The following SYNE3 variants were observed in gnomAD, a reference collection of about 807,000 sequenced individuals.
The protein encoded by SYNE3 is spectrin repeat containing nuclear envelope family member 3.
In SYNE3, 100 loss-of-function variants were observed where a neutral mutation model predicts 111.2. The ratio of observed to expected loss-of-function variants is 0.90; its 90% CI spans 0.77 to 1.06. SYNE3 has a LOEUF of 1.06. SYNE3 is among the 50% of genes least tolerant of loss of function. SYNE3 has a pLI of 0.00. For synonymous variants in SYNE3, 547 were observed against 533.9 expected (o/e 1.02, Z -0.34); for missense variants, 1,160 against 1,240.3 (o/e 0.94, Z 0.97).
chr14:95,435,033 A>G (rs570433903), intron 15 of SYNE3, among the ~76,000 whole-genome samples: 1 of 152,356 alleles, frequency 6.6e-6, no homozygotes, highest in South Asian at 2.1e-4. Flanking sequence ...ATGAAGACAC[A>G]AGAAACCAAG....
intron 4 of SYNE3, among the ~76,000 whole-genome samples, chr14:95,465,096 G>A (rs1316969466): frequency 1.3e-5 from 2 of 152,120 alleles, no homozygotes; most frequent in African/African-American, 2.4e-5. Context: ...AGGAAATGCA[G>A]ACAGAGAATG....
At chr14:95,425,486 C>T (rs1236608151) in intron 17 of SYNE3, among the ~76,000 whole-genome samples, 1 of 152,112 alleles carries the variant, frequency 6.6e-6, no homozygotes, top group East Asian at 1.9e-4. Flanking sequence ...ATTTTCAGGG[C>T]AGTGAAATTC....
chr14:95,476,317 G>A (rs1888888086), intron 1 of SYNE3, among the ~76,000 whole-genome samples: 1 of 152,182 alleles, frequency 6.6e-6, no homozygotes, highest in East Asian at 1.9e-4. Context: ...AACTTCTCAG[G>A]CTGGGGATGG....
chr14:95,475,590 C>G (rs972519054), intron 2 of SYNE3, 88 bp downstream of exon 2: 34 of 1,301,908 alleles, frequency 2.6e-5, no homozygotes, highest in Non-Finnish European at 3.0e-5. Context: ...TCCACCGTTG[C>G]CTTTCACAGA....
At chr14:95,487,583 C>T (rs979816798) in intron 1 of SYNE3, among the ~76,000 whole-genome samples, 1 of 152,182 alleles carries the variant, frequency 6.6e-6, no homozygotes, top group African/African-American at 2.4e-5. Context: ...AGACACTTCA[C>T]ATATTTCAGC....
chr14:95,443,377 G>A (rs1037052482), intron 10 of SYNE3, 88 bp from the exon 11 acceptor site: 2 of 1,522,388 alleles, frequency 1.3e-6, no homozygotes, highest in East Asian at 2.3e-5. Context: ...CTGAGTGGGA[G>A]AGCCTGGGAG....
At chr14:95,419,700 G>T (rs1337157182) in intron 17 of SYNE3, among the ~76,000 whole-genome samples, 9 of 123,330 alleles carry the variant, frequency 7.3e-5, no homozygotes, top group Non-Finnish European at 1.5e-4. Flanking sequence ...TGATCATGAC[G>T]CTAATGGTGG....
chr14:95,466,084 C>A lies in SYNE3; in HGVS notation c.474G>T (p.Val158=). 1 of 1,613,306 alleles carries A rather than the reference C, an allele frequency of 6.2e-7. No homozygotes were observed. Among genetic ancestry groups the A allele is most frequent in the Non-Finnish European group, 8.5e-7 (1 of 1,179,288 alleles). ...CCTGGTTGTCCACGTTGTGCAGCAG[C>A]ACCTGGGCGTGGCTCAGCTGCCACT... ...EKQWQLSHAQ[V]LLHNVDNQAV... The change falls in exon 4 of 18, where the codon GTG becomes GTT. Residue 158 remains valine (V), a synonymous_variant. Transcript: ENST00000682763.
At chr14:95,469,786 T>G (rs895837118) in intron 2 of SYNE3, among the ~76,000 whole-genome samples, 7 of 152,208 alleles carry the variant, frequency 4.6e-5, no homozygotes, top group African/African-American at 1.7e-4. Context: ...TAGTGTACTT[T>G]GTAAACTGTT....
intron 4 of SYNE3, among the ~76,000 whole-genome samples, chr14:95,463,833 C>T (rs141623464): frequency 3.7e-4 from 57 of 152,390 alleles, no homozygotes; most frequent in South Asian, 2.5e-3. Flanking sequence ...GTTCTGAGCA[C>T]CTGCTGCATG....
intron 4 of SYNE3, among the ~76,000 whole-genome samples, chr14:95,462,352 A>G (rs1887885739): frequency 6.6e-6 from 1 of 152,230 alleles, no homozygotes; most frequent in African/African-American, 2.4e-5. Flanking sequence ...GCTTGCAGGA[A>G]GACTTCATGA....
chr14:95,436,127 C>G (rs375516784), intron 15 of SYNE3, among the ~76,000 whole-genome samples: 1 of 152,196 alleles, frequency 6.6e-6, no homozygotes, highest in African/African-American at 2.4e-5. Flanking sequence ...TCCCTCCCCC[C>G]AGCCATATCC....
Position 95,452,268 on chromosome 14 carries a change from G to A in SYNE3, c.1253C>T (p.Ala418Val), listed in dbSNP as rs1319081356. The change falls in exon 7 of 18, where the codon GCT becomes GTT. Residue 418 changes from alanine (A) to valine (V), a missense_variant. By Grantham distance (64) the Ala-to-Val change is moderately conservative. Coordinates refer to ENST00000682763, the MANE Select transcript of SYNE3 (RefSeq NM_152592.6). ...ATACCTCTGATACTCCTGGATGGTA[G>A]CGATGACACTATCAGAGAGTGGCTT... ...NLKPLSDSVI[A>V]TIQEYQSLKV... is the part of the protein sequence containing the mutation. 2 of 1,612,038 alleles carry A rather than the reference G, an allele frequency of 1.2e-6. No individual in the cohort carries two copies. Among genetic ancestry groups the A allele is most frequent in the Non-Finnish European group, 1.7e-6 (2 of 1,178,722 alleles).
At chr14:95,453,220 G>A (rs1365949216) in intron 6 of SYNE3, among the ~76,000 whole-genome samples, 2 of 152,122 alleles carry the variant, frequency 1.3e-5, no homozygotes, top group Non-Finnish European at 2.9e-5. Flanking sequence ...TATTGACAAG[G>A]CACTTGGTAC....
chr14:95,486,947 G>T (rs1165716840), intron 1 of SYNE3, among the ~76,000 whole-genome samples: 1 of 152,202 alleles, frequency 6.6e-6, no homozygotes, highest in Non-Finnish European at 1.5e-5. Context: ...CAGCCCTACA[G>T]TCCTAACTGG....
intron 1 of SYNE3, among the ~76,000 whole-genome samples, chr14:95,509,814 G>T (rs1192391305): frequency 6.6e-6 from 1 of 152,206 alleles, no homozygotes; most frequent in Non-Finnish European, 1.5e-5. Context: ...AACGCTGAAA[G>T]CCTGCCATTT....
At chr14:95,499,345 G>A (rs1890233906) in intron 1 of SYNE3, among the ~76,000 whole-genome samples, 1 of 152,132 alleles carries the variant, frequency 6.6e-6, no homozygotes, top group South Asian at 2.1e-4. Flanking sequence ...GACATTCAAA[G>A]TCCTTCTCCA....
chr14:95,508,127 G>A (rs1438478372), intron 1 of SYNE3, among the ~76,000 whole-genome samples: 1 of 152,238 alleles, frequency 6.6e-6, no homozygotes, highest in Admixed American at 6.5e-5. Flanking sequence ...TCTGGGATCA[G>A]GTAACCTGGG....
intron 17 of SYNE3, chr14:95,429,799 G>A: frequency 8.1e-6 from 3 of 369,322 alleles, no homozygotes; most frequent in Non-Finnish European, 7.5e-6. Flanking sequence ...ATCACAAGTG[G>A]TGTGACCTTC....
Sources: gnomAD v4.1 joint callset for allele counts (sites outside exome capture counted in the v4.1 genomes callset) on GRCh38, gnomAD v4.1.1 for gene constraint, MANE v1.5 for transcripts, NCBI Gene and HGNC (gene_info 2026-07-23, HGNC 2026-07-21) for gene names.